The following SAMSN1 variants were observed in gnomAD, a reference collection of about 807,000 sequenced individuals.
SAMSN1 encodes SAM domain, SH3 domain and nuclear localization signals 1.
SAMSN1 carries 31 observed loss-of-function variants against 42.0 expected under a neutral mutation model. That is an observed-to-expected ratio of 0.74 (90% CI 0.55 to 1.00). The LOEUF is 1.00. Among genes scored for constraint, SAMSN1 ranks in the 50% least tolerant of loss-of-function variants. The probability of loss-of-function intolerance (pLI) is 0.00; values close to 1 mark genes in which losing one functional copy is unlikely to be tolerated. For missense variants in SAMSN1, 464 were observed against 439.4 expected (o/e 1.06, Z -0.50); for synonymous variants, 178 against 151.9 (o/e 1.17, Z -1.26).
chr21:14,490,554 T>C (rs537862940), intron 7 of SAMSN1, among the ~76,000 whole-genome samples: 2 of 152,342 alleles, frequency 1.3e-5, no homozygotes, highest in South Asian at 4.1e-4. Context: ...ATGGCATGTC[T>C]CTCAGTTATT....
At chr21:14,569,631 C>A (rs932417241) in intron 2 of SAMSN1, among the ~76,000 whole-genome samples, 1 of 152,092 alleles carries the variant, frequency 6.6e-6, no homozygotes, top group Non-Finnish European at 1.5e-5. Context: ...GTTATTGATT[C>A]TGCAAATGTG....
intron 7 of SAMSN1, among the ~76,000 whole-genome samples, chr21:14,495,455 T>C (rs73171374): frequency 1.1e-3 from 162 of 152,342 alleles, no homozygotes; most frequent in Non-Finnish European, 1.9e-3. Flanking sequence ...CTTTTTGACA[T>C]GTATATTCTA....
intron 7 of SAMSN1, among the ~76,000 whole-genome samples, chr21:14,497,825 T>C (rs2040971345): frequency 6.6e-6 from 1 of 152,192 alleles, no homozygotes; most frequent in African/African-American, 2.4e-5. Context: ...AAATAAAAGC[T>C]ATCCTATCTT....
intron 1 of SAMSN1, among the ~76,000 whole-genome samples, chr21:14,658,484 A>T (rs1249775681): frequency 6.6e-6 from 1 of 151,980 alleles, no homozygotes; most frequent in Non-Finnish European, 1.5e-5. Context: ...TGTTCCCAGA[A>T]CATTATACTT....
rs563563904 is a variant in SAMSN1 at position 14,560,772 on chromosome 21, G to T, written c.261+21364C>A. On this transcript the variant is annotated intron_variant, in intron 2 of 8. Transcript: ENST00000285670. ...TCTTGCTTCACAATGGTTCTTCAGTGGTTCCCCACCCCATGTAAATGTATA... is the reference window on the plus strand; with the variant it reads ...TCTTGCTTCACAATGGTTCTTCAGTTGTTCCCCACCCCATGTAAATGTATA... Among the ~76,000 whole-genome samples the T allele has an allele frequency of 8.3e-4, 126 of 152,186 alleles. 1 individual carries two copies. The highest frequency in any genetic ancestry group is 2.6e-3 in the African/African-American group (109 of 41,550).
rs144717484 is a variant in SAMSN1 at position 14,545,887 on chromosome 21, G to A, written c.57+318C>T. Among the ~76,000 whole-genome samples, 5 of 152,234 alleles carry A rather than the reference G, an allele frequency of 3.3e-5. No individual in the cohort carries two copies. In the East Asian group the frequency reaches 9.6e-4, roughly 29 times the overall value. ...ACAATCTCATAGTCATTAAAAACAT[G>A]CAAGAAGATTTTATAATAACAAACA... On this transcript the variant is annotated intron_variant, in intron 1 of 7. Coordinates refer to ENST00000400566, the MANE Select transcript of SAMSN1 (RefSeq NM_022136.5).
At chr21:14,615,939 A>G in intron 3 of SAMSN1, 1 of 553,206 alleles carries the variant, frequency 1.8e-6, no homozygotes, top group Non-Finnish European at 3.3e-6. Context: ...TTACAGAACT[A>G]AGGGAACATG....
At chr21:14,592,295 TA>T (rs141299564) in intron 7 of SAMSN1, 1,856 of 152,476 alleles carry the variant, frequency 0.012, 40 homozygotes, top group African/African-American at 0.043. Flanking sequence ...AATTAATTTT[TA>T]TTAAGTATCT....
chr21:14,515,829 C>T (rs1987888274), intron 3 of SAMSN1, among the ~76,000 whole-genome samples: 1 of 152,022 alleles, frequency 6.6e-6, no homozygotes, highest in Non-Finnish European at 1.5e-5. Flanking sequence ...TAAAAACGAA[C>T]AATGGATTTG....
chr21:14,542,561 G>A (rs1482429209), intron 1 of SAMSN1, among the ~76,000 whole-genome samples: 1 of 152,196 alleles, frequency 6.6e-6, no homozygotes, highest in Non-Finnish European at 1.5e-5. Context: ...AGAGTGTAAT[G>A]CAATAACATC....
chr21:14,547,688 C>G (rs975539940), upstream of SAMSN1, among the ~76,000 whole-genome samples: 1 of 152,088 alleles, frequency 6.6e-6, no homozygotes, highest in Non-Finnish European at 1.5e-5. Flanking sequence ...AGCTCCACCC[C>G]AAGGCCCAAA....
At chr21:14,568,097 A>T (rs1181314645) in intron 2 of SAMSN1, among the ~76,000 whole-genome samples, 1 of 152,206 alleles carries the variant, frequency 6.6e-6, no homozygotes, top group Non-Finnish European at 1.5e-5. Flanking sequence ...TTAAGCAAGC[A>T]TTACTAATCA....
At chr21:14,541,903 G>A (rs1463253934) in intron 1 of SAMSN1, among the ~76,000 whole-genome samples, 1 of 151,622 alleles carries the variant, frequency 6.6e-6, no homozygotes, top group Non-Finnish European at 1.5e-5. Flanking sequence ...TGAGGCAGGA[G>A]AGTCACATAA....
At chr21:14,520,762 C>A (rs992386373) in intron 2 of SAMSN1, among the ~76,000 whole-genome samples, 3 of 152,020 alleles carry the variant, frequency 2.0e-5, no homozygotes, top group Non-Finnish European at 4.4e-5. Flanking sequence ...ATGGGAAGGT[C>A]GTGTGGTTTG....
At chr21:14,649,938 G>A (rs1352470391) in intron 1 of SAMSN1, among the ~76,000 whole-genome samples, 1 of 152,062 alleles carries the variant, frequency 6.6e-6, no homozygotes, top group Non-Finnish European at 1.5e-5. Flanking sequence ...TATAAGAAGA[G>A]ACAAAGAAGG....
In SAMSN1 at chr21:14,622,368, G is replaced by C. The variant is rs557268701; in HGVS notation, c.157-6352C>G. On this transcript the variant is annotated intron_variant, in intron 2 of 15. Transcript: ENST00000647101. ...GAACCCACCGCAAAGAAGCTAAAAA[G>C]CTTGGGAAAAGATTAGACGAATGGC... Among the ~76,000 whole-genome samples the C allele has an allele frequency of 8.7e-4, 133 of 152,284 alleles. 2 individuals are homozygous for C. The South Asian group carries it at 0.011, about 12-fold the overall frequency.
At chr21:14,624,429 A>T (rs1983106600) in intron 2 of SAMSN1, among the ~76,000 whole-genome samples, 1 of 152,182 alleles carries the variant, frequency 6.6e-6, no homozygotes, top group African/African-American at 2.4e-5. Context: ...ACACAATAAG[A>T]AATGATAAAG....
intron 2 of SAMSN1, among the ~76,000 whole-genome samples, chr21:14,517,476 T>C (rs1462911286): frequency 6.6e-6 from 1 of 152,238 alleles, no homozygotes; most frequent in Non-Finnish European, 1.5e-5. Flanking sequence ...GGCCTTAAAA[T>C]ATCCTCTTGC....
chr21:14,591,107 G>A (rs1323746047), intron 7 of SAMSN1, among the ~76,000 whole-genome samples: 1 of 152,074 alleles, frequency 6.6e-6, no homozygotes, highest in Admixed American at 6.6e-5. Flanking sequence ...TGGGAAAATT[G>A]CCATGTTGAC....
Sources: gnomAD v4.1 joint callset for allele counts (sites outside exome capture counted in the v4.1 genomes callset) on GRCh38, gnomAD v4.1.1 for gene constraint, MANE v1.5 for transcripts, NCBI Gene and HGNC (gene_info 2026-07-23, HGNC 2026-07-21) for gene names.